The following SLC44A4 variants were observed in gnomAD, a reference collection of about 807,000 sequenced individuals.
SLC44A4 encodes choline transporter-like protein 4.
Under a neutral mutation model 97.0 loss-of-function variants are expected in SLC44A4, and 74 were observed. The observed-to-expected ratio is 0.76, with a 90% CI of 0.63 to 0.93. The LOEUF (loss-of-function observed/expected upper bound fraction) is 0.93. Ranked by LOEUF, SLC44A4 falls within the 40% of genes least tolerant of loss-of-function variation. The pLI, the probability that SLC44A4 is intolerant of heterozygous loss-of-function variation, is 0.00. For missense variants in SLC44A4, 799 were observed against 902.9 expected, an observed-to-expected ratio of 0.88 and a Z score of 1.48; for synonymous variants, 325 against 363.8, an observed-to-expected ratio of 0.89 and a Z score of 1.21.
intron 13 of SLC44A4, among the ~76,000 whole-genome samples, chr6:31,868,573 A>G (rs140887208): frequency 6.6e-6 from 1 of 152,266 alleles, no homozygotes; most frequent in Non-Finnish European, 1.5e-5. Context: ...ACCTGACTAC[A>G]TCGGGGCAAC....
rs940335524 is a variant in SLC44A4, at chr6:31,878,841, T to C, written c.40+100A>G. 2.0e-5 allele frequency: 27 copies of C among 1,358,568 alleles called. No homozygotes were observed. Among genetic ancestry groups the C allele is most frequent in the Non-Finnish European group, 2.6e-5 (25 of 950,132 alleles). The allele number at this position is 1,358,568 out of a possible 1,614,324, so 84.2% of individuals were successfully genotyped here. A position where few individuals can be genotyped will look rare whatever the true frequency, so the allele number is the denominator to read the frequency against. On this transcript the variant is annotated intron_variant, in intron 1 of 20. Transcript: ENST00000229729. This position sits in a 1 kb window ranked among gnomAD's most constrained non-coding sequence, Gnocchi z 4.0. ...GGCCCTCCCCTCAGGGACACAGTAC[T>C]CTCCTTAGTTCCTCTCCCTGGAGCC...
chr6:31,864,774 TG>T, intron 19 of SLC44A4, 38 bp from the exon 20 acceptor site: 1 of 1,613,826 alleles, frequency 6.2e-7, no homozygotes, highest in Non-Finnish European at 8.5e-7. Context: ...TGGGTTCCTC[TG>T]GGGAGTTGGG....
rs1358856353 is a variant in SLC44A4, at chr6:31,863,463, T to G, written c.*164A>C. 6.1e-6 allele frequency: 6 copies of G among 984,396 alleles called. No homozygotes were observed. The highest frequency in any genetic ancestry group is 7.1e-6 in the Non-Finnish European group (5 of 705,548). The allele number at this position is 984,396 out of a possible 1,614,324, so 61.0% of individuals were successfully genotyped here. The stretch of plus-strand genomic sequence containing the variant: ...GCTGGTCTCGAACTCCTGACTCAGG[T>G]GATCCGCCCGCCTCAGCCTCTCAAA... On this transcript the variant is annotated 3_prime_UTR_variant, in exon 21 of 21. Coordinates refer to ENST00000229729, the MANE Select transcript of SLC44A4 (RefSeq NM_025257.3).
At chr6:31,867,260 T>TC (rs1328887984) in intron 13 of SLC44A4, among the ~76,000 whole-genome samples, 2 of 151,528 alleles carry the variant, frequency 1.3e-5, no homozygotes, top group East Asian at 3.9e-4. Flanking sequence ...AAAAATCTTT[T>TC]TTTTTTTTTT....
At position 31,876,347 on chromosome 6, in the gene SLC44A4, C is replaced by A. The variant is rs1324776199; in HGVS notation, c.90-218G>T. 6.6e-6 allele frequency among the ~76,000 whole-genome samples: 1 copy of A among 152,170 alleles called. No individual in the cohort carries two copies. Among genetic ancestry groups the A allele is most frequent in the Non-Finnish European group, 1.5e-5 (1 of 68,024 alleles). ...GCAGTGGTGCAATCTTGGCTCACTG[C>A]AGCCTCTGCCTCCTGGGTTCAAGCA... On this transcript the variant is annotated intron_variant, in intron 2 of 20. Coordinates refer to ENST00000229729, the MANE Select transcript of SLC44A4 (RefSeq NM_025257.3). This position sits in a 1 kb window ranked among gnomAD's most constrained non-coding sequence, Gnocchi z 4.8.
At chr6:31,869,127 C>T (rs999513021) in intron 13 of SLC44A4, 28 bp downstream of exon 13, 11 of 1,571,278 alleles carry the variant, frequency 7.0e-6, no homozygotes, top group Middle Eastern at 1.7e-4. Flanking sequence ...CTACTAGTCC[C>T]GCCTCCATGT....
rs781224254 is a variant in SLC44A4 at position 31,869,553 on chromosome 6, C to G, written c.1122G>C (p.Met374Ile). Residue 374 changes from methionine to isoleucine, a missense_variant, in exon 12 of 21, where the codon ATG becomes ATC. Physicochemically the swap from Met to Ile is conservative, Grantham distance 10 (BLOSUM62 1). Transcript: ENST00000229729. ...LLLICIAYWAMTALYLATSGQ... is the reference protein window; with the variant it reads ...LLLICIAYWAITALYLATSGQ... Reference sequence around the variant, plus strand: ...GCGTGGGCAGAGGATACAGAGCAGTCATGGCCCAGTAGGCAATGCAGATGA... The same window carrying G: ...GCGTGGGCAGAGGATACAGAGCAGTGATGGCCCAGTAGGCAATGCAGATGA... 1 of 1,602,392 alleles carries G rather than the reference C, an allele frequency of 6.2e-7. No individual in the cohort carries two copies. Among genetic ancestry groups the G allele is most frequent in the East Asian group, 2.2e-5 (1 of 44,564 alleles).
Position 31,865,479 on chromosome 6 carries a change from T to G in SLC44A4, c.1686+19A>C. On this transcript the variant is annotated intron_variant, in intron 16 of 20. Transcript: ENST00000229729. The surrounding 1 kb of genome is among the most constrained non-coding windows in gnomAD (Gnocchi z 5.2). Reference sequence around the variant, plus strand: ...ACCAAAGGGCACCAGAACAAAGGGTTGCTTGCAGTGTAGCTCACCATGATG... The same window carrying G: ...ACCAAAGGGCACCAGAACAAAGGGTGGCTTGCAGTGTAGCTCACCATGATG... The G allele has an allele frequency of 6.2e-7, 1 of 1,612,526 alleles. No homozygotes were observed. The highest frequency in any genetic ancestry group is 8.5e-7 in the Non-Finnish European group (1 of 1,178,658).
intron 13 of SLC44A4, among the ~76,000 whole-genome samples, chr6:31,868,611 A>C (rs1463467129): frequency 6.6e-6 from 1 of 152,156 alleles, no homozygotes; most frequent in African/African-American, 2.4e-5. Context: ...AGCCCGGGTA[A>C]CACAGCAAGA....
Position 31,878,504 on chromosome 6 carries a change from T to A in SLC44A4, c.40+437A>T, listed in dbSNP as rs1227511207. Among the ~76,000 whole-genome samples the A allele has an allele frequency of 2.0e-5, 3 of 151,974 alleles. No homozygotes were observed. The highest frequency in any genetic ancestry group is 7.3e-5 in the African/African-American group (3 of 41,364). ...AGAGACCCAGACTCCAGGCTGAACC[T>A]CCTCCTCCTTACAGGGACCCTGGCC... is the stretch of plus-strand genomic sequence containing the variant. On this transcript the variant is annotated intron_variant, in intron 1 of 20. Transcript: ENST00000229729. This position sits in a 1 kb window ranked among gnomAD's most constrained non-coding sequence, Gnocchi z 4.0.
At position 31,870,858 on chromosome 6, in the gene SLC44A4, G is replaced by A; in HGVS notation, c.891C>T (p.Thr297=). 6.2e-7 allele frequency: 1 copy of A among 1,613,074 alleles called. No homozygotes were observed. The change falls in exon 10 of 21, where the codon ACC becomes ACT. Residue 297 remains threonine, a synonymous_variant. Transcript: ENST00000229729. The part of the protein sequence containing the change: ...GASISQLGFT[T]NLSAYQSVQE... ...GCACGCTCTGGTAGGCACTGAGGTT[G>A]GTGGTGAAACCCAGCTGGGAGATGG...
rs35993960 is a variant in SLC44A4 at position 31,869,984 on chromosome 6, CA to C, written c.1038-348del. On this transcript the variant is annotated intron_variant, in intron 11 of 20. Transcript: ENST00000229729. ...TGGTCGACAGAGCGAGACTCCGTCT[CA>C]AAAAAAAAAAAAGGGGGGGGCTGAC... Among the ~76,000 whole-genome samples the C allele has an allele frequency of 8.6e-4, 122 of 142,560 alleles. 1 individual carries two copies. Among genetic ancestry groups the C allele is most frequent in the South Asian group, 4.3e-3 (19 of 4,458 alleles). The allele number at this position is 142,560 out of a possible 152,430, so 93.5% of individuals were successfully genotyped here.
At chr6:31,871,447 C>T in intron 8 of SLC44A4, 27 bp downstream of exon 8, 1 of 1,613,496 alleles carries the variant, frequency 6.2e-7, no homozygotes, top group Non-Finnish European at 8.5e-7. Context: ...GGGGTGTGGC[C>T]AGGATGTGGG....
Position 31,865,330 on chromosome 6 carries a change from A to C in SLC44A4, c.1745T>G (p.Met582Arg). Residue 582 changes from methionine to arginine, a missense_variant, in exon 17 of 21, where the codon ATG (methionine) becomes AGG (arginine). Physicochemically the swap from Met to Arg is moderately conservative, Grantham distance 91 (BLOSUM62 -1). Around this residue, in one of 3 missense-constraint regions of SLC44A4, gnomAD observed 379 missense variants for 438.3 expected, o/e 0.86. Coordinates refer to ENST00000229729, the MANE Select transcript of SLC44A4 (RefSeq NM_025257.3). This position sits in a 1 kb window ranked among gnomAD's most constrained non-coding sequence, Gnocchi z 5.2. ...VSAKNAFMLL[M>R]RNIVRVVVLD... Reference sequence around the variant, plus strand: ...GCAGCCTAACCTGACAATGTTTCGCATGAGTAGCATGAACGCATTTTTGGC... The same window carrying C: ...GCAGCCTAACCTGACAATGTTTCGCCTGAGTAGCATGAACGCATTTTTGGC... 5 of 1,614,044 alleles carry C rather than the reference A, an allele frequency of 3.1e-6. No homozygotes were observed. The highest frequency in any genetic ancestry group is 4.2e-6 in the Non-Finnish European group (5 of 1,180,016).
In SLC44A4 at chr6:31,865,305, G is replaced by A. The variant is rs2151553418; in HGVS notation, c.1760+10C>T. 1 of 1,613,876 alleles carries A rather than the reference G, an allele frequency of 6.2e-7. No homozygotes were observed. The highest frequency in any genetic ancestry group is 8.5e-7 in the Non-Finnish European group (1 of 1,179,902). On this transcript the variant is annotated intron_variant, in intron 17 of 20. Transcript: ENST00000229729. This position sits in a 1 kb window ranked among gnomAD's most constrained non-coding sequence, Gnocchi z 5.2. The stretch of plus-strand genomic sequence containing the variant: ...GAGGGAGCCACAAAGCGGGGGGGGA[G>A]CAGCCTAACCTGACAATGTTTCGCA...
In SLC44A4 at chr6:31,878,803, C is replaced by T; in HGVS notation, c.40+138G>A. The T allele has an allele frequency of 9.5e-7, 1 of 1,055,896 alleles. No individual in the cohort carries two copies. The highest frequency in any genetic ancestry group is 1.4e-6 in the Non-Finnish European group (1 of 690,652). The allele number at this position is 1,055,896 out of a possible 1,614,324, so 65.4% of individuals were successfully genotyped here. On this transcript the variant is annotated intron_variant, in intron 1 of 20. Transcript: ENST00000229729. The surrounding 1 kb of genome is among the most constrained non-coding windows in gnomAD (Gnocchi z 4.0). The stretch of plus-strand genomic sequence containing the variant: ...GGACCCTGACTCCCTCCCTCCATGG[C>T]TCCCGGTTCCCGGGCCCTCCCCTCA...
At chr6:31,875,572 T>C (rs936574337) in intron 4 of SLC44A4, among the ~76,000 whole-genome samples, 4 of 152,190 alleles carry the variant, frequency 2.6e-5, no homozygotes, top group African/African-American at 4.8e-5. Flanking sequence ...CTTGGTCCAG[T>C]TGGGGATCCA....
Position 31,865,995 on chromosome 6 carries a change from G to C in SLC44A4, c.1365C>G (p.Asn455Lys). The C allele has an allele frequency of 6.2e-7, 1 of 1,614,248 alleles. No homozygotes were observed. The change falls in exon 14 of 21, where the codon AAC becomes AAG. Residue 455 changes from asparagine to lysine, a missense_variant. This residue lies in a region of SLC44A4 where 379 missense variants were observed against 438.3 expected (regional missense o/e 0.86). Transcript: ENST00000229729. The surrounding 1 kb of genome is among the most constrained non-coding windows in gnomAD (Gnocchi z 5.2). The stretch of plus-strand genomic sequence containing the variant: ...CGCATTGGCCCAGGGCCAGTACCCA[G>C]TTAAGGGTCCAGAAGAGCCCCAGGA... ...YGVLGLFWTL[N>K]WVLALGQCVL... is the part of the protein sequence containing the mutation.
At chr6:31,866,179 G>A in intron 13 of SLC44A4, 53 bp from the exon 14 acceptor site, 1 of 1,590,440 alleles carries the variant, frequency 6.3e-7, no homozygotes, top group South Asian at 1.1e-5. Flanking sequence ...GCCTCAGTAT[G>A]GAGCCTGGGC....
Sources: gnomAD v4.1 joint callset for allele counts (sites outside exome capture counted in the v4.1 genomes callset) on GRCh38, gnomAD v4.1.1 for gene constraint, gnomAD v4.1.1 regional missense constraint, Gnocchi (gnomAD v3.1) non-coding constraint, MANE v1.5 for transcripts, NCBI Gene and HGNC (gene_info 2026-07-23, HGNC 2026-07-21) for gene names.